Variants in TRIP12 observed in about 807,000 individuals in gnomAD.
The protein encoded by TRIP12 is thyroid hormone receptor interactor 12.
Under a neutral mutation model 244.2 loss-of-function variants are expected in TRIP12, and 25 were observed. That is an observed-to-expected ratio of 0.10 (90% confidence interval 0.07 to 0.14). The LOEUF (loss-of-function observed/expected upper bound fraction) is 0.14, where lower values mean the gene tolerates loss of function less well. Ranked by LOEUF, TRIP12 falls within the 10% of genes least tolerant of loss-of-function variation. The pLI is 1.00. For missense variants in TRIP12, 1,677 were observed against 2,486.4 expected, an observed-to-expected ratio of 0.67 and a Z score of 6.92; for synonymous variants, 905 against 873.1, an observed-to-expected ratio of 1.04 and a Z score of -0.64.
intron 8 of TRIP12, among the ~76,000 whole-genome samples, chr2:229,823,675 A>C (rs1473178777): frequency 2.2e-5 from 2 of 90,792 alleles, no homozygotes; most frequent in Non-Finnish European, 5.0e-5. Context: ...ACTCTGTCTC[A>C]AAAAAAAAAA....
Position 229,859,262 on chromosome 2 carries a change from C to T in TRIP12, c.537G>A (p.Lys179=). 6.2e-7 allele frequency: 1 copy of T among 1,614,246 alleles called. No homozygotes were observed. Among genetic ancestry groups the T allele is most frequent in the South Asian group, 1.1e-5 (1 of 91,086 alleles). Reference sequence around the variant, plus strand: ...TCCGTGAACCGCCAGTGGCCCCACTCTTCCTGGTATGAGCCTTGCTTGTTG... The same window carrying T: ...TCCGTGAACCGCCAGTGGCCCCACTTTTCCTGGTATGAGCCTTGCTTGTTG... ...SPSTSKAHTR[K]SGATGGSRSQ... Residue 179 remains lysine (K), a synonymous_variant, in exon 4 of 42, where the codon AAG becomes AAA. Coordinates refer to ENST00000675903, the MANE Select transcript of TRIP12 (RefSeq NM_001348323.3).
intron 5 of TRIP12, among the ~76,000 whole-genome samples, chr2:229,838,963 C>T (rs891703999): frequency 5.9e-5 from 9 of 152,144 alleles, no homozygotes; most frequent in South Asian, 2.1e-4. Context: ...GTGGAAAGAC[C>T]TTTCTGCTAA....
intron 34 of TRIP12, among the ~76,000 whole-genome samples, chr2:229,785,233 G>T (rs780834627): frequency 7.2e-5 from 11 of 152,170 alleles, no homozygotes; most frequent in Non-Finnish European, 1.5e-4. Context: ...TTGTAAAAAA[G>T]ACAAAATTAC....
chr2:229,854,030 T>C (rs921649830), intron 4 of TRIP12, among the ~76,000 whole-genome samples: 5 of 152,208 alleles, frequency 3.3e-5, no homozygotes, highest in Non-Finnish European at 7.3e-5. Context: ...ATTTTATTTG[T>C]ATATATATTC....
intron 32 of TRIP12, among the ~76,000 whole-genome samples, 180 bp downstream of exon 32, chr2:229,788,618 C>T (rs922100037): frequency 2.0e-5 from 3 of 152,204 alleles, no homozygotes; most frequent in African/African-American, 7.2e-5. Flanking sequence ...CAAGAAGATC[C>T]AGCCCCCAAA....
At chr2:229,887,632 G>A (rs765071457) in intron 1 of TRIP12, among the ~76,000 whole-genome samples, 21 of 152,182 alleles carry the variant, frequency 1.4e-4, no homozygotes, top group Non-Finnish European at 2.9e-4. Flanking sequence ...GTCTAAGACT[G>A]TGGTTCTCAG....
chr2:229,907,969 C>CAA (rs879490412), intron 1 of TRIP12, among the ~76,000 whole-genome samples: 7 of 137,384 alleles, frequency 5.1e-5, no homozygotes, highest in Admixed American at 2.2e-4. Flanking sequence ...GAACTAGTGT[C>CAA]AAAAAAAAAA....
chr2:229,795,830 G>A (rs758864026), intron 25 of TRIP12, among the ~76,000 whole-genome samples: 2 of 152,106 alleles, frequency 1.3e-5, no homozygotes, highest in Non-Finnish European at 2.9e-5. Flanking sequence ...ATACTGTCAC[G>A]CTTCTAATGA....
Position 229,802,243 on chromosome 2 carries a change from C to T in TRIP12, c.3206+9G>A, listed in dbSNP as rs1470520958. ...AAGAAATAAAAATCACAACACAATT[C>T]TTACTTACCCTTGAGGGCTGAGATC... On this transcript the variant is annotated intron_variant, in intron 21 of 41. Coordinates refer to ENST00000675903, the MANE Select transcript of TRIP12 (RefSeq NM_001348323.3). 1.3e-6 allele frequency: 2 copies of T among 1,576,216 alleles called. No individual in the cohort carries two copies. Among genetic ancestry groups the T allele is most frequent in the East Asian group, 4.5e-5 (2 of 43,958 alleles).
At chr2:229,808,952 T>C (rs986694782) in intron 15 of TRIP12, among the ~76,000 whole-genome samples, 2 of 152,184 alleles carry the variant, frequency 1.3e-5, no homozygotes, top group African/African-American at 4.8e-5. Context: ...ACCACGCAGA[T>C]GTGCTGACAC....
intron 16 of TRIP12, 80 bp from the exon 17 acceptor site, chr2:229,807,944 A>C: frequency 2.0e-5 from 28 of 1,419,542 alleles, no homozygotes; most frequent in Non-Finnish European, 2.5e-5. Flanking sequence ...AAATAATCTC[A>C]CACAAACCAA....
chr2:229,771,068 G>T (rs1423954631), intron 39 of TRIP12, among the ~76,000 whole-genome samples: 3 of 152,156 alleles, frequency 2.0e-5, no homozygotes, highest in African/African-American at 7.2e-5. Flanking sequence ...CTCTGTATTT[G>T]GCAATTAGAT....
At chr2:229,842,713 A>G (rs2056739754) in intron 4 of TRIP12, among the ~76,000 whole-genome samples, 1 of 152,230 alleles carries the variant, frequency 6.6e-6, no homozygotes. Context: ...AATAGACAGT[A>G]GCACACACTT....
In TRIP12 at chr2:229,880,122, C is replaced by T; in HGVS notation, c.-43G>A. 3 of 1,526,424 alleles carry T rather than the reference C, an allele frequency of 2.0e-6. No individual in the cohort carries two copies. Among genetic ancestry groups the T allele is most frequent in the Non-Finnish European group, 2.7e-6 (3 of 1,120,544 alleles). 94.6% of individuals were successfully genotyped at this position (1,526,424 alleles called of 1,614,324 possible). On this transcript the variant is annotated 5_prime_UTR_variant, in exon 2 of 42. Coordinates refer to ENST00000675903, the MANE Select transcript of TRIP12 (RefSeq NM_001348323.3). ...AGGGACATACCCTTTCTAGACACTACCATTCACTAAAAGAAAAAAAAATAA... is the reference window on the plus strand; with the variant it reads ...AGGGACATACCCTTTCTAGACACTATCATTCACTAAAAGAAAAAAAAATAA...
rs1448116272 is a variant in TRIP12, at chr2:229,787,536, C to G, written c.4964G>C (p.Ser1655Thr). ...TCTATCCAATCTAGGTGCAACTCTGCTATCTTGAGAATCAGACTGGTTGAT... is the reference window on the plus strand; with the variant it reads ...TCTATCCAATCTAGGTGCAACTCTGGTATCTTGAGAATCAGACTGGTTGAT... ...PEINQSDSQD[S>T]RVAPRLDRKK... is the part of the protein sequence containing the mutation. Residue 1655 changes from serine to threonine, a missense_variant, in exon 33 of 42, where the codon AGC becomes ACC. Physicochemically the swap from Ser to Thr is moderately conservative, Grantham distance 58 (BLOSUM62 1). This residue lies in a region of TRIP12 where 30 missense variants were observed against 64.7 expected (regional missense o/e 0.46). Coordinates refer to ENST00000675903, the MANE Select transcript of TRIP12 (RefSeq NM_001348323.3). The G allele has an allele frequency of 6.2e-7, 1 of 1,613,496 alleles. No individual in the cohort carries two copies. Among genetic ancestry groups the G allele is most frequent in the Non-Finnish European group, 8.5e-7 (1 of 1,179,778 alleles).
intron 8 of TRIP12, among the ~76,000 whole-genome samples, chr2:229,822,540 A>C (rs763577737): frequency 7.2e-5 from 11 of 152,202 alleles, no homozygotes; most frequent in Non-Finnish European, 1.5e-4. Context: ...TGGTTAAAAC[A>C]AGCTCAAGTC....
intron 29 of TRIP12, 113 bp from the exon 30 acceptor site, chr2:229,791,364 CCT>C: frequency 8.4e-7 from 1 of 1,188,374 alleles, no homozygotes; most frequent in Non-Finnish European, 1.2e-6. Flanking sequence ...GATCTATTCT[CCT>C]CTCTCTCCCT....
rs998553858 is a variant in TRIP12, at chr2:229,765,553, G to A, written c.*2001C>T. The A allele has an allele frequency of 6.6e-6, 1 of 152,204 alleles. No individual in the cohort carries two copies. The highest frequency in any genetic ancestry group is 1.5e-5 in the Non-Finnish European group (1 of 68,038). 9.4% of individuals were successfully genotyped at this position (152,204 alleles called of 1,614,324 possible). ...ATACTTATTAGATGCTGGAATCAATGAGGCCAAATTTGCCAGGGCTGCAAC... is the reference window on the plus strand; with the variant it reads ...ATACTTATTAGATGCTGGAATCAATAAGGCCAAATTTGCCAGGGCTGCAAC... On this transcript the variant is annotated 3_prime_UTR_variant, in exon 42 of 42. Coordinates refer to ENST00000675903, the MANE Select transcript of TRIP12 (RefSeq NM_001348323.3).
rs755722124 is a variant in TRIP12, at chr2:229,796,608, C to G, written c.3799G>C (p.Val1267Leu). The change falls in exon 25 of 42, where the codon GTA becomes CTA. Residue 1267 changes from valine (V) to leucine (L), a missense_variant. By Grantham distance (32) the Val-to-Leu change is conservative (BLOSUM62 1). This residue lies in a region of TRIP12 where 77 missense variants were observed against 69.2 expected (regional missense o/e 1.11). Transcript: ENST00000675903. ...TAACTTACTGGAGAAGAAAAAAATA[C>G]ATGAAGAAATCGCTTTAATCTGATC... Reference protein sequence around the residue: ...REIRLKRFLHVFFSSPLPGEE... With the variant: ...REIRLKRFLHLFFSSPLPGEE... The G allele has an allele frequency of 1.4e-5, 22 of 1,588,770 alleles. No individual in the cohort carries two copies. Among genetic ancestry groups the G allele is most frequent in the South Asian group, 2.3e-5 (2 of 86,290 alleles).
Sources: allele counts gnomAD v4.1 joint callset (sites outside exome capture counted in the v4.1 genomes callset), GRCh38; gene constraint gnomAD v4.1.1; regional missense constraint gnomAD v4.1.1; transcripts MANE v1.5; gene names NCBI Gene and HGNC (gene_info 2026-07-23, HGNC 2026-07-21).